The following WASHC2C variants were observed in gnomAD, a reference collection of about 807,000 sequenced individuals.
WASHC2C encodes the protein WASH complex subunit 2C, also known as Vaccinia Penetration Factor.
A neutral mutation model predicts 142.2 loss-of-function variants in WASHC2C; 73 were observed. That is an observed-to-expected ratio of 0.51 (90% confidence interval 0.43 to 0.62). WASHC2C has a LOEUF of 0.62. WASHC2C is among the 20% of genes least tolerant of loss of function. The probability of loss-of-function intolerance (pLI) is 0.00; values close to 1 mark genes in which losing one functional copy is unlikely to be tolerated. For synonymous variants in WASHC2C, 337 were observed against 565.5 expected, an observed-to-expected ratio of 0.60 and a Z score of 5.73; for missense variants, 969 against 1,531.7, an observed-to-expected ratio of 0.63 and a Z score of 6.13.
At chr10:45,736,437 A>AT (rs2051281405) in intron 3 of WASHC2C, among the ~76,000 whole-genome samples, 1 of 138,856 alleles carries the variant, frequency 7.2e-6, no homozygotes, top group Admixed American at 7.3e-5. Flanking sequence ...AAAAAAAAAA[A>AT]GGGCAAAAAC....
At chr10:45,737,495 A>T (rs1554865257) in intron 3 of WASHC2C, 1 of 608,560 alleles carries the variant, frequency 1.6e-6, no homozygotes, top group East Asian at 2.8e-5. Flanking sequence ...AAATGGGATA[A>T]TAAAAATTTA....
intron 13 of WASHC2C, among the ~76,000 whole-genome samples, chr10:45,753,906 G>T (rs2053916109): frequency 6.7e-6 from 1 of 150,122 alleles, no homozygotes; most frequent in African/African-American, 2.5e-5. Flanking sequence ...GGGAATTAGT[G>T]ATTCTAAGTG....
Position 45,738,042 on chromosome 10 carries a change from GC to G in WASHC2C, c.352del (p.Gln118ArgfsTer10), listed in dbSNP as rs782520446. 2 of 1,611,688 alleles carry G rather than the reference GC, an allele frequency of 1.2e-6. No homozygotes were observed. The highest frequency in any genetic ancestry group is 2.7e-5 in the African/African-American group (2 of 74,766). On this transcript the variant is annotated frameshift_variant and splice_region_variant, in exon 4 of 31. Coordinates refer to ENST00000623400, the MANE Select transcript of WASHC2C (RefSeq NM_001330074.2). LOFTEE classifies it high-confidence loss of function. ...VLKAEAEKTEQEKTREQKEVD... is the reference protein window; with the variant it reads ...VLKAEAEKTEXEKTREQKEVD... Reference sequence around the variant, plus strand: ...TCAAGGCTGAGGCAGAAAAAACAGAGCAGGTACTTGTATAAAATCACTCTTA... The same window carrying G: ...TCAAGGCTGAGGCAGAAAAAACAGAGAGGTACTTGTATAAAATCACTCTTA...
intron 17 of WASHC2C, among the ~76,000 whole-genome samples, chr10:45,762,760 G>T (rs1435688764): frequency 1.3e-5 from 2 of 152,046 alleles, no homozygotes; most frequent in African/African-American, 4.8e-5. Context: ...AAAAAAATTA[G>T]CCGGGCGTGG....
At position 45,785,747 on chromosome 10, in the gene WASHC2C, C is replaced by T. The variant is rs2057991808; in HGVS notation, c.2811+116C>T. 3.1e-6 allele frequency: 5 copies of T among 1,590,120 alleles called. No individual in the cohort carries two copies. The South Asian group carries it at 5.7e-5, about 18-fold the overall frequency. The stretch of plus-strand genomic sequence containing the variant: ...TCTGCATTAAGGAGGAAACAGCAAC[C>T]AGGGCTACAGCTTTGTCTTCACTGC... On this transcript the variant is annotated intron_variant, in intron 26 of 30. Coordinates refer to ENST00000623400, the MANE Select transcript of WASHC2C (RefSeq NM_001330074.2).
intron 2 of WASHC2C, among the ~76,000 whole-genome samples, 200 bp from the exon 3 acceptor site, chr10:45,728,662 C>T (rs1005557567): frequency 6.6e-6 from 1 of 150,876 alleles, no homozygotes; most frequent in African/African-American, 2.4e-5. Flanking sequence ...CGCTTGAACG[C>T]GGGAGGTGCA....
At position 45,769,369 on chromosome 10, in the gene WASHC2C, C is replaced by T. The variant is rs1321771229; in HGVS notation, c.1870-80C>T. The T allele has an allele frequency of 8.9e-6, 13 of 1,467,256 alleles. No homozygotes were observed. In the South Asian group the frequency reaches 1.1e-4, roughly 13 times the overall value. The allele number at this position is 1,467,256 out of a possible 1,614,324, so 90.9% of individuals were successfully genotyped here. A position where few individuals can be genotyped will look rare whatever the true frequency, so the allele number is the denominator to read the frequency against. Reference sequence around the variant, plus strand: ...TGCTGATCTCGTGATTCACCCGCCTCGGCCTCCCAAAGTGCTGGGATTATA... The same window carrying T: ...TGCTGATCTCGTGATTCACCCGCCTTGGCCTCCCAAAGTGCTGGGATTATA... On this transcript the variant is annotated intron_variant, in intron 19 of 30. Coordinates refer to ENST00000623400, the MANE Select transcript of WASHC2C (RefSeq NM_001330074.2).
chr10:45,768,234 G>GAAAAAAAA (rs1169870861), intron 19 of WASHC2C, among the ~76,000 whole-genome samples: 5 of 76,476 alleles, frequency 6.5e-5, no homozygotes, highest in South Asian at 4.4e-4. Flanking sequence ...CTCGAAAAAG[G>GAAAAAAAA]AAAAAAAAAA....
At chr10:45,779,979 A>G (rs2057371797) in intron 23 of WASHC2C, among the ~76,000 whole-genome samples, 1 of 146,174 alleles carries the variant, frequency 6.8e-6, no homozygotes, top group Non-Finnish European at 1.5e-5. Flanking sequence ...ACGAGACTCC[A>G]TCTCAAAAAA....
chr10:45,732,150 CAATTCCAGCT>C (rs1296110837), intron 3 of WASHC2C, among the ~76,000 whole-genome samples: 1 of 152,110 alleles, frequency 6.6e-6, no homozygotes, highest in Non-Finnish European at 1.5e-5. Flanking sequence ...TTAGGTGTTA[CAATTCCAGCT>C]TGAATTATGG....
At chr10:45,746,757 T>C in intron 8 of WASHC2C, 110 bp downstream of exon 8, 1 of 1,444,134 alleles carries the variant, frequency 6.9e-7, no homozygotes, top group Non-Finnish European at 9.7e-7. Context: ...TTTTTTCATG[T>C]ATACAATTTA....
At chr10:45,747,067 C>T (rs1334563605) in intron 8 of WASHC2C, among the ~76,000 whole-genome samples, 4 of 152,268 alleles carry the variant, frequency 2.6e-5, no homozygotes, top group Admixed American at 6.5e-5. Flanking sequence ...TATCTAAAGG[C>T]GTATTCTTTT....
intron 7 of WASHC2C, among the ~76,000 whole-genome samples, chr10:45,745,882 C>T (rs1423058962): frequency 2.0e-5 from 3 of 149,154 alleles, no homozygotes; most frequent in African/African-American, 4.9e-5. Context: ...AACTCGTCAT[C>T]TAGCATTAGG....
intron 23 of WASHC2C, among the ~76,000 whole-genome samples, chr10:45,784,267 T>TATATATATATATATATATACACACACAC (rs2057783500): frequency 2.7e-3 from 15 of 5,650 alleles, no homozygotes; most frequent in South Asian, 0.019. Context: ...TATATATATA[T>TATATATATATATATATATACACACACAC]ATATATATAT....
At position 45,784,990 on chromosome 10, in the gene WASHC2C, C is replaced by T. The variant is rs2057923047; in HGVS notation, c.2688+89C>T. On this transcript the variant is annotated intron_variant, in intron 25 of 30. Transcript: ENST00000623400. ...TCCAGTTAGATGATTAAGGAAAATCCTAGGAGAGTCGTGCTGCTTCCTGCT... is the reference window on the plus strand; with the variant it reads ...TCCAGTTAGATGATTAAGGAAAATCTTAGGAGAGTCGTGCTGCTTCCTGCT... The T allele has an allele frequency of 3.1e-6, 5 of 1,610,108 alleles. No individual in the cohort carries two copies. The South Asian group carries it at 4.4e-5, about 14-fold the overall frequency.
At chr10:45,741,557 A>T (rs1458358059) in intron 5 of WASHC2C, among the ~76,000 whole-genome samples, 2 of 152,104 alleles carry the variant, frequency 1.3e-5, no homozygotes, top group African/African-American at 2.4e-5. Flanking sequence ...ATTAGTCCAA[A>T]TTAACGCTGT....
chr10:45,737,037 G>A (rs1443240368), intron 3 of WASHC2C, among the ~76,000 whole-genome samples: 1 of 151,748 alleles, frequency 6.6e-6, no homozygotes, highest in Non-Finnish European at 1.5e-5. Context: ...GCAGTGCAGT[G>A]GTGCAATCAG....
intron 20 of WASHC2C, chr10:45,771,413 A>G (rs1554884635): frequency 2.0e-6 from 2 of 984,972 alleles, no homozygotes; most frequent in Non-Finnish European, 2.4e-6. Flanking sequence ...AACAGACAAG[A>G]AAGAGAAGAA....
intron 3 of WASHC2C, among the ~76,000 whole-genome samples, chr10:45,730,032 T>C (rs1263786175): frequency 6.9e-6 from 1 of 144,642 alleles, no homozygotes; most frequent in Non-Finnish European, 1.5e-5. Flanking sequence ...AGCAAAGGAG[T>C]ACTTATGAGT....
Sources: allele counts gnomAD v4.1 joint callset (sites outside exome capture counted in the v4.1 genomes callset), GRCh38; gene constraint gnomAD v4.1.1; transcripts MANE v1.5; gene names NCBI Gene and HGNC (gene_info 2026-07-23, HGNC 2026-07-21).